EIF2AK2: variants seen among roughly 807,000 people sequenced by gnomAD.
EIF2AK2 encodes interferon-induced, double-stranded RNA-activated protein kinase.
EIF2AK2 carries 40 observed loss-of-function variants against 70.5 expected under a neutral mutation model. The ratio of observed to expected loss-of-function variants is 0.57; its 90% CI spans 0.44 to 0.74. The LOEUF is 0.74. EIF2AK2 is among the 30% of genes least tolerant of loss of function. The pLI is 0.00. For synonymous variants in EIF2AK2, 198 were observed against 220.9 expected, an observed-to-expected ratio of 0.90 and a Z score of 0.92; for missense variants, 555 against 644.3, an observed-to-expected ratio of 0.86 and a Z score of 1.50.
At chr2:37,155,856 G>A (rs971442879) in intron 1 of EIF2AK2, among the ~76,000 whole-genome samples, 1 of 150,798 alleles carries the variant, frequency 6.6e-6, no homozygotes, top group Non-Finnish European at 1.5e-5. Flanking sequence ...AAGGAAAATC[G>A]CTTGAACCTG....
intron 1 of EIF2AK2, among the ~76,000 whole-genome samples, chr2:37,152,062 A>G (rs1004918795): frequency 6.6e-6 from 1 of 152,238 alleles, no homozygotes; most frequent in African/African-American, 2.4e-5. Flanking sequence ...CGAAGACTCC[A>G]TCTCAAAAAA....
intron 1 of EIF2AK2, among the ~76,000 whole-genome samples, chr2:37,150,105 G>A (rs115801916): frequency 6.7e-6 from 1 of 149,724 alleles, no homozygotes; most frequent in African/African-American, 2.5e-5. Flanking sequence ...AAAAGTGATT[G>A]CAATAAAGAT....
Position 37,137,498 on chromosome 2 carries a change from A to T in EIF2AK2, c.688-481T>A, listed in dbSNP as rs1049869432. 2.0e-5 allele frequency among the ~76,000 whole-genome samples: 3 copies of T among 152,172 alleles called. No individual in the cohort carries two copies. In the East Asian group the frequency reaches 5.8e-4, roughly 29 times the overall value. ...TGTTTGTTTGTTTGTTTTTGCGATG[A>T]GGGTCTCACTATGTTGCCTAGGCTG... On this transcript the variant is annotated intron_variant, in intron 8 of 16. Transcript: ENST00000233057.
At chr2:37,118,688 G>C (rs562019812) in intron 13 of EIF2AK2, among the ~76,000 whole-genome samples, 2 of 152,202 alleles carry the variant, frequency 1.3e-5, no homozygotes, top group East Asian at 3.8e-4. Flanking sequence ...AACAACTTCA[G>C]ATATTGTAGA....
At chr2:37,133,898 C>T (rs1316168051) in intron 10 of EIF2AK2, among the ~76,000 whole-genome samples, 1 of 152,146 alleles carries the variant, frequency 6.6e-6, no homozygotes, top group African/African-American at 2.4e-5. Flanking sequence ...ACTTTTTCCT[C>T]CTTTTGTTGT....
At position 37,143,683 on chromosome 2, in the gene EIF2AK2, A is replaced by G. The variant is rs1450521095; in HGVS notation, c.241-1982T>C. ...CAGATTGCTTGAGTCCAGGAGTTCA[A>G]GACCAGCCTGGGCAACATAGTGAGA... On this transcript the variant is annotated intron_variant, in intron 4 of 16. Coordinates refer to ENST00000233057, the MANE Select transcript of EIF2AK2 (RefSeq NM_001135651.3). Among the ~76,000 whole-genome samples the G allele has an allele frequency of 3.9e-5, 6 of 152,030 alleles. No homozygotes were observed. The South Asian group carries it at 6.2e-4, about 16-fold the overall frequency.
chr2:37,148,512 A>C (rs1573040747), intron 2 of EIF2AK2: 2 of 630,904 alleles, frequency 3.2e-6, no homozygotes, highest in Non-Finnish European at 5.9e-6. Context: ...AAACAAGGAA[A>C]ATATGCTAGA....
chr2:37,138,108 CAA>C (rs59032875), intron 8 of EIF2AK2, among the ~76,000 whole-genome samples, 160 bp downstream of exon 8: 11,790 of 66,762 alleles, frequency 0.18, 418 homozygotes, highest in African/African-American at 0.25. Flanking sequence ...GACTCCATCT[CAA>C]AAAAAAAAAA....
At chr2:37,130,037 T>C (rs1674884887) in intron 10 of EIF2AK2, among the ~76,000 whole-genome samples, 1 of 152,200 alleles carries the variant, frequency 6.6e-6, no homozygotes, top group Non-Finnish European at 1.5e-5. Flanking sequence ...GGTCCCACAA[T>C]ATCCCCTAAT....
intron 9 of EIF2AK2, 131 bp from the exon 10 acceptor site, chr2:37,135,677 G>A: frequency 1.4e-6 from 1 of 733,468 alleles, no homozygotes; most frequent in South Asian, 1.9e-5. Flanking sequence ...CTCCCAGCCT[G>A]GAGTGCAGTG....
At chr2:37,119,812 G>C (rs1674473361) in intron 13 of EIF2AK2, 147 bp downstream of exon 13, 2 of 347,566 alleles carry the variant, frequency 5.8e-6, no homozygotes, top group East Asian at 6.7e-5. Flanking sequence ...GACTGGTTTC[G>C]AACTCATGAC....
At chr2:37,143,821 G>T (rs1675428400) in intron 4 of EIF2AK2, among the ~76,000 whole-genome samples, 1 of 151,938 alleles carries the variant, frequency 6.6e-6, no homozygotes, top group Admixed American at 6.6e-5. Context: ...GGAGATTGAG[G>T]CTGCAGTGAC....
intron 14 of EIF2AK2, among the ~76,000 whole-genome samples, chr2:37,112,379 C>T (rs763547912): frequency 6.6e-6 from 1 of 152,038 alleles, no homozygotes; most frequent in Non-Finnish European, 1.5e-5. Context: ...ATGGAGGACT[C>T]GAATAAGTGA....
chr2:37,114,264 C>T (rs1166912371), intron 14 of EIF2AK2, among the ~76,000 whole-genome samples: 2 of 152,046 alleles, frequency 1.3e-5, no homozygotes, highest in South Asian at 2.1e-4. Flanking sequence ...CATACTACTG[C>T]ACTCCAGCCT....
intron 2 of EIF2AK2, 130 bp downstream of exon 2, chr2:37,148,727 T>C: frequency 2.4e-6 from 2 of 833,106 alleles, no homozygotes; most frequent in Non-Finnish European, 4.2e-6. Flanking sequence ...TATTGACAGA[T>C]TTGAGGATTT....
Position 37,151,737 on chromosome 2 carries a change from A to T in EIF2AK2, c.-183-2714T>A, listed in dbSNP as rs539770269. Among the ~76,000 whole-genome samples, 231 of 152,378 alleles carry T rather than the reference A, an allele frequency of 1.5e-3. 5 individuals carry two copies. In the South Asian group the frequency reaches 0.047, roughly 31 times the overall value. On this transcript the variant is annotated intron_variant, in intron 1 of 16. Coordinates refer to ENST00000233057, the MANE Select transcript of EIF2AK2 (RefSeq NM_001135651.3). The stretch of plus-strand genomic sequence containing the variant: ...AACAAAATGTGAAATATATCTACAC[A>T]GCGGAATATTATTCAGTCACAAAAA...
At chr2:37,129,365 T>C (rs1384568523) in intron 10 of EIF2AK2, among the ~76,000 whole-genome samples, 1 of 152,028 alleles carries the variant, frequency 6.6e-6, no homozygotes, top group Non-Finnish European at 1.5e-5. Context: ...ATGCCCAACT[T>C]GCAGTCTTTG....
At chr2:37,137,840 C>T (rs1394022174) in intron 8 of EIF2AK2, among the ~76,000 whole-genome samples, 8 of 152,048 alleles carry the variant, frequency 5.3e-5, no homozygotes, top group African/African-American at 1.7e-4. Context: ...GAGCCGGGCG[C>T]GGTGGCTCAT....
At chr2:37,149,244 A>C in intron 1 of EIF2AK2, 1 of 1,098,332 alleles carries the variant, frequency 9.1e-7, no homozygotes, top group South Asian at 1.3e-5. Flanking sequence ...CGCAAGTCAC[A>C]AAGTATGAGC....
Sources: allele counts gnomAD v4.1 joint callset (sites outside exome capture counted in the v4.1 genomes callset), GRCh38; gene constraint gnomAD v4.1.1; transcripts MANE v1.5; gene names NCBI Gene and HGNC (gene_info 2026-07-23, HGNC 2026-07-21).